The following MAP2K6 variants were observed in gnomAD, a reference collection of about 807,000 sequenced individuals.
MAP2K6 encodes dual specificity mitogen-activated protein kinase kinase 6.
A neutral mutation model predicts 53.7 loss-of-function variants in MAP2K6; 16 were observed. The observed-to-expected ratio is 0.30, with a 90% CI of 0.20 to 0.45. The LOEUF (loss-of-function observed/expected upper bound fraction) is 0.45. Ranked by LOEUF, MAP2K6 falls within the 20% of genes least tolerant of loss-of-function variation. The pLI, the probability that MAP2K6 is intolerant of heterozygous loss-of-function variation, is 1.00. For missense variants in MAP2K6, 204 were observed against 411.9 expected (o/e 0.50, Z 4.37); for synonymous variants, 132 against 143.1 (o/e 0.92, Z 0.55).
At chr17:69,448,997 G>T (rs559734347) in intron 1 of MAP2K6, among the ~76,000 whole-genome samples, 1 of 152,182 alleles carries the variant, frequency 6.6e-6, no homozygotes, top group African/African-American at 2.4e-5. Context: ...CGGCACTCCC[G>T]GGTTACAGTC....
At chr17:69,464,608 C>G (rs1325690889) in intron 1 of MAP2K6, among the ~76,000 whole-genome samples, 4 of 152,134 alleles carry the variant, frequency 2.6e-5, no homozygotes, top group African/African-American at 7.2e-5. Context: ...TCTCAAACTC[C>G]TGACCTCAAG....
chr17:69,534,424 TC>T (rs1362309544), intron 10 of MAP2K6, among the ~76,000 whole-genome samples: 1 of 152,168 alleles, frequency 6.6e-6, no homozygotes, highest in Non-Finnish European at 1.5e-5. Flanking sequence ...AGGTCTGCCC[TC>T]AGTTCCAGGT....
chr17:69,485,946 T>G (rs886329468), intron 1 of MAP2K6, among the ~76,000 whole-genome samples: 3 of 152,146 alleles, frequency 2.0e-5, no homozygotes, highest in African/African-American at 7.2e-5. Context: ...TCTTTCTCAA[T>G]AGACTACAAT....
chr17:69,489,378 T>C (rs779470965), intron 1 of MAP2K6, among the ~76,000 whole-genome samples: 5 of 152,218 alleles, frequency 3.3e-5, no homozygotes, highest in Non-Finnish European at 5.9e-5. Context: ...TCTGGTACAA[T>C]AGAGAATTTA....
intron 1 of MAP2K6, among the ~76,000 whole-genome samples, chr17:69,453,859 GATAGCCCAGGC>G (rs1464604529): frequency 6.6e-6 from 1 of 152,166 alleles, no homozygotes; most frequent in East Asian, 1.9e-4. Flanking sequence ...GAACTCCAGG[GATAGCCCAGGC>G]ATCATTATAT....
intron 2 of MAP2K6, among the ~76,000 whole-genome samples, chr17:69,506,474 G>A (rs767860384): frequency 1.3e-5 from 2 of 151,264 alleles, no homozygotes; most frequent in Non-Finnish European, 2.9e-5. Flanking sequence ...TTCCTGTCCA[G>A]CTGGAGGTAC....
chr17:69,437,607 G>T (rs541316426), intron 1 of MAP2K6, among the ~76,000 whole-genome samples: 1 of 152,172 alleles, frequency 6.6e-6, no homozygotes, highest in Non-Finnish European at 1.5e-5. Flanking sequence ...CCATTTTAAT[G>T]ATTTTAGAGT....
chr17:69,490,338 CT>C (rs1399898006), intron 1 of MAP2K6, among the ~76,000 whole-genome samples: 1 of 152,154 alleles, frequency 6.6e-6, no homozygotes, highest in Non-Finnish European at 1.5e-5. Context: ...GTTTTGCCTT[CT>C]TATATTGTCA....
chr17:69,494,690 A>G lies in MAP2K6; in HGVS notation c.17-11090A>G, dbSNP rs1240593735. Among the ~76,000 whole-genome samples, 1 of 151,756 alleles carries G rather than the reference A, an allele frequency of 6.6e-6. No homozygotes were observed. Among genetic ancestry groups the G allele is most frequent in the Non-Finnish European group, 1.5e-5 (1 of 67,938 alleles). ...ACTATCTTGGAGTTTCCTTTGGTTA[A>G]AAGGGAGGTGATCAGAGTGCTATTA... On this transcript the variant is annotated intron_variant, in intron 1 of 11. Transcript: ENST00000590474. This position sits in a 1 kb window ranked among gnomAD's most constrained non-coding sequence, Gnocchi z 4.2.
At chr17:69,506,127 G>T (rs1471727197) in intron 2 of MAP2K6, among the ~76,000 whole-genome samples, 1 of 152,202 alleles carries the variant, frequency 6.6e-6, no homozygotes, top group Non-Finnish European at 1.5e-5. Flanking sequence ...AAGGCCCCTG[G>T]ATGTGAACTT....
chr17:69,440,170 C>G (rs1254068307), intron 1 of MAP2K6, among the ~76,000 whole-genome samples: 1 of 152,100 alleles, frequency 6.6e-6, no homozygotes, highest in East Asian at 1.9e-4. Context: ...GCCTCAGCCT[C>G]CAGAGTAGCT....
Position 69,533,125 on chromosome 17 carries a change from C to T in MAP2K6, c.882-2990C>T, listed in dbSNP as rs374340741. On this transcript the variant is annotated intron_variant, in intron 10 of 11. Coordinates refer to ENST00000590474, the MANE Select transcript of MAP2K6 (RefSeq NM_002758.4). Reference sequence around the variant, plus strand: ...TGTATTTTTAGTAGAGTCGGGGTTTCACCGTATTGGCCAGGCTGGTCTTGA... The same window carrying T: ...TGTATTTTTAGTAGAGTCGGGGTTTTACCGTATTGGCCAGGCTGGTCTTGA... Among the ~76,000 whole-genome samples, 451 of 152,112 alleles carry T rather than the reference C, an allele frequency of 3.0e-3. 4 individuals carry two copies. The highest frequency in any genetic ancestry group is 0.01 in the African/African-American group (432 of 41,484).
chr17:69,433,007 A>AAG, intron 1 of MAP2K6: 1 of 152,214 alleles, frequency 6.6e-6, no homozygotes, highest in Non-Finnish European at 1.5e-5. Flanking sequence ...AATGCTCTTG[A>AAG]ACCAAGAGAA....
intron 9 of MAP2K6, 87 bp downstream of exon 9, chr17:69,525,065 C>A: frequency 8.6e-7 from 1 of 1,163,430 alleles, no homozygotes; most frequent in Non-Finnish European, 1.3e-6. Context: ...AACAAATGCC[C>A]TAAATGCTGG....
At chr17:69,529,504 ATTTTT>A (rs10566943) in intron 10 of MAP2K6, among the ~76,000 whole-genome samples, 2 of 98,386 alleles carry the variant, frequency 2.0e-5, no homozygotes, top group Non-Finnish European at 1.9e-5. Context: ...ATGGTTTTTA[ATTTTT>A]TTTTTTTTTT....
Position 69,499,439 on chromosome 17 carries a change from G to C in MAP2K6, c.17-6341G>C, listed in dbSNP as rs1909070999. Among the ~76,000 whole-genome samples, 3 of 152,224 alleles carry C rather than the reference G, an allele frequency of 2.0e-5. No individual in the cohort carries two copies. In the South Asian group the frequency reaches 6.2e-4, roughly 31 times the overall value. On this transcript the variant is annotated intron_variant, in intron 1 of 11. Transcript: ENST00000590474. Reference sequence around the variant, plus strand: ...TGTACATCATCTCCAGTTTGCAGGTGTGGAAACTCAGTTTAAGATAAGAAA... The same window carrying C: ...TGTACATCATCTCCAGTTTGCAGGTCTGGAAACTCAGTTTAAGATAAGAAA...
At chr17:69,505,649 AG>A (rs1396017941) in intron 1 of MAP2K6, 130 bp from the exon 2 acceptor site, 1 of 722,426 alleles carries the variant, frequency 1.4e-6, no homozygotes, top group Admixed American at 1.9e-5. Context: ...CTTCCTGGGT[AG>A]GAAGTGGCGC....
At chr17:69,479,933 A>C (rs1908289249) in intron 1 of MAP2K6, among the ~76,000 whole-genome samples, 1 of 151,916 alleles carries the variant, frequency 6.6e-6, no homozygotes, top group Admixed American at 6.6e-5. Context: ...ATGGGATTTC[A>C]CCATGTTGGC....
At chr17:69,528,109 CAAAAA>C (rs71357724) in intron 10 of MAP2K6, among the ~76,000 whole-genome samples, 2 of 75,724 alleles carry the variant, frequency 2.6e-5, no homozygotes, top group East Asian at 4.1e-4. Flanking sequence ...AACTTCGTCT[CAAAAA>C]AAAAAAAAAA....
Sources: gnomAD v4.1 joint callset for allele counts (sites outside exome capture counted in the v4.1 genomes callset) on GRCh38, gnomAD v4.1.1 for gene constraint, Gnocchi (gnomAD v3.1) non-coding constraint, MANE v1.5 for transcripts, NCBI Gene and HGNC (gene_info 2026-07-23, HGNC 2026-07-21) for gene names.